Variants in KANSL1 observed in about 807,000 individuals in gnomAD.
KANSL1 encodes the protein KAT8 regulatory NSL complex subunit 1, also known as MLL1/MLL complex subunit KANSL1.
Under a neutral mutation model 103.6 loss-of-function variants are expected in KANSL1, and 22 were observed. The observed-to-expected ratio is 0.21, with a 90% CI of 0.15 to 0.30. The LOEUF is 0.30. KANSL1 is among the 10% of genes least tolerant of loss of function. The pLI is 1.00. For missense variants in KANSL1, 1,337 were observed against 1,399.8 expected (o/e 0.96, Z 0.72); for synonymous variants, 600 against 527.6 (o/e 1.14, Z -1.88).
At chr17:46,143,418 C>T (rs112741535) in intron 2 of KANSL1, among the ~76,000 whole-genome samples, 5 of 152,222 alleles carry the variant, frequency 3.3e-5, no homozygotes, top group East Asian at 3.9e-4. Flanking sequence ...CGCTTGAACC[C>T]GCGAGACAGA....
At chr17:46,163,689 C>G (rs1285191572) in intron 2 of KANSL1, among the ~76,000 whole-genome samples, 1 of 152,230 alleles carries the variant, frequency 6.6e-6, no homozygotes, top group Admixed American at 6.5e-5. Flanking sequence ...GTCAGCCAGG[C>G]TTAAAACTTC....
At chr17:46,213,588 G>A (rs1000230050) in intron 1 of KANSL1, among the ~76,000 whole-genome samples, 4 of 150,814 alleles carry the variant, frequency 2.7e-5, no homozygotes, top group South Asian at 2.1e-4. Flanking sequence ...GATTACAGGC[G>A]TGAGCCACCG....
At chr17:46,212,949 C>T (rs2048209140) in intron 1 of KANSL1, among the ~76,000 whole-genome samples, 2 of 152,366 alleles carry the variant, frequency 1.3e-5, no homozygotes, top group South Asian at 4.1e-4. Context: ...TCATATGCTT[C>T]TTGGTCATTT....
chr17:46,038,626 G>A lies in KANSL1; in HGVS notation c.2453C>T (p.Pro818Leu). Residue 818 changes from proline to leucine, a missense_variant, in exon 10 of 15, where the codon CCA becomes CTA. Transcript: ENST00000432791. Reference sequence around the variant, plus strand: ...GAGCTGTCGCACCAAGGGACTGTGTGGAGGATGGTGGGTGGCTGCCAAGTA... The same window carrying A: ...GAGCTGTCGCACCAAGGGACTGTGTAGAGGATGGTGGGTGGCTGCCAAGTA... ...SSYLAATHHPPHSPLVRQLST... is the reference protein window; with the variant it reads ...SSYLAATHHPLHSPLVRQLST... The A allele has an allele frequency of 6.2e-7, 1 of 1,614,096 alleles. No homozygotes were observed. Among genetic ancestry groups the A allele is most frequent in the Non-Finnish European group, 8.5e-7 (1 of 1,180,024 alleles).
intron 6 of KANSL1, among the ~76,000 whole-genome samples, chr17:46,053,967 CA>C (rs1174705271): frequency 2.0e-5 from 3 of 152,070 alleles, no homozygotes; most frequent in Non-Finnish European, 4.4e-5. Context: ...AATAAGAAAA[CA>C]AATTTTTAAA....
intron 1 of KANSL1, among the ~76,000 whole-genome samples, chr17:46,190,097 A>G (rs2047240159): frequency 6.6e-6 from 1 of 152,194 alleles, no homozygotes; most frequent in African/African-American, 2.4e-5. Context: ...TTCACTTTAA[A>G]ATGCAATTAA....
At chr17:46,126,882 A>G (rs1015303396) in intron 2 of KANSL1, among the ~76,000 whole-genome samples, 1 of 152,234 alleles carries the variant, frequency 6.6e-6, no homozygotes, top group Non-Finnish European at 1.5e-5. Context: ...TTTGCCCGCC[A>G]ATAAGGAATC....
intron 3 of KANSL1, 148 bp from the exon 4 acceptor site, chr17:46,082,690 G>T: frequency 2.1e-6 from 1 of 466,032 alleles, no homozygotes; most frequent in South Asian, 4.1e-5. Flanking sequence ...AGCAGCAGCA[G>T]CTTTGTTTTC....
At chr17:46,122,050 C>T (rs186251997) in intron 2 of KANSL1, among the ~76,000 whole-genome samples, 10 of 152,080 alleles carry the variant, frequency 6.6e-5, no homozygotes, top group African/African-American at 1.5e-4. Flanking sequence ...AGTTTTCACA[C>T]GATAATAAAG....
rs374982900 is a variant in KANSL1 at position 46,106,983 on chromosome 17, T to C, written c.1290-12282A>G. On this transcript the variant is annotated intron_variant, in intron 2 of 14. Coordinates refer to ENST00000432791, the MANE Select transcript of KANSL1 (RefSeq NM_015443.4). Reference sequence around the variant, plus strand: ...GCAATCAAAGGAAAACTCTGAAAGATAGAAAAGGGAAGGCAAACTAGTTAA... The same window carrying C: ...GCAATCAAAGGAAAACTCTGAAAGACAGAAAAGGGAAGGCAAACTAGTTAA... 3.3e-5 allele frequency among the ~76,000 whole-genome samples: 5 copies of C among 152,228 alleles called. No homozygotes were observed. In the East Asian group the frequency reaches 7.7e-4, roughly 24 times the overall value.
chr17:46,192,065 C>T (rs1689900219), intron 1 of KANSL1, among the ~76,000 whole-genome samples: 1 of 152,194 alleles, frequency 6.6e-6, no homozygotes, highest in African/African-American at 2.4e-5. Flanking sequence ...CATGTCACCC[C>T]TTCTCCCCTA....
chr17:46,109,600 G>A (rs1394172912), intron 2 of KANSL1, among the ~76,000 whole-genome samples: 1 of 152,094 alleles, frequency 6.6e-6, no homozygotes, highest in Non-Finnish European at 1.5e-5. Flanking sequence ...CTAGTTTTCA[G>A]TTAAAGAATG....
At chr17:46,101,854 G>A (rs1317272285) in intron 2 of KANSL1, among the ~76,000 whole-genome samples, 3 of 149,848 alleles carry the variant, frequency 2.0e-5, no homozygotes, top group Non-Finnish European at 3.0e-5. Context: ...AAGAAAAACA[G>A]AATAAGATTA....
intron 1 of KANSL1, among the ~76,000 whole-genome samples, chr17:46,177,752 C>T (rs1425801581): frequency 6.6e-6 from 1 of 151,390 alleles, no homozygotes; most frequent in Non-Finnish European, 1.5e-5. Flanking sequence ...GAGCCAATAA[C>T]TAAGTAAAAC....
chr17:46,081,446 T>C (rs1363097803), intron 4 of KANSL1, among the ~76,000 whole-genome samples: 4 of 152,228 alleles, frequency 2.6e-5, no homozygotes, highest in African/African-American at 9.6e-5. Context: ...GTGGCAAAAC[T>C]TGGCATTCTG....
At chr17:46,191,806 A>T (rs2047339661) in intron 1 of KANSL1, among the ~76,000 whole-genome samples, 1 of 152,224 alleles carries the variant, frequency 6.6e-6, no homozygotes, top group African/African-American at 2.4e-5. Context: ...AGATGGCAAC[A>T]CCAGGATTGT....
intron 3 of KANSL1, among the ~76,000 whole-genome samples, chr17:46,086,796 C>T (rs1368097190): frequency 1.3e-5 from 2 of 151,948 alleles, no homozygotes; most frequent in Non-Finnish European, 2.9e-5. Flanking sequence ...TCCACAAAAA[C>T]AATAATAATA....
At chr17:46,037,885 G>A (rs1242893513) in intron 10 of KANSL1, 6 of 152,248 alleles carry the variant, frequency 3.9e-5, no homozygotes, top group Non-Finnish European at 7.3e-5. Context: ...TAAAGGAAAT[G>A]TGTCTGGAAT....
At chr17:46,156,747 G>A (rs1471275909) in intron 2 of KANSL1, 1 of 152,518 alleles carries the variant, frequency 6.6e-6, no homozygotes, top group Non-Finnish European at 1.5e-5. Flanking sequence ...GAAAGTGGAG[G>A]GGAAGGCTGG....
Sources: allele counts gnomAD v4.1 joint callset (sites outside exome capture counted in the v4.1 genomes callset), GRCh38; gene constraint gnomAD v4.1.1; transcripts MANE v1.5; gene names NCBI Gene and HGNC (gene_info 2026-07-23, HGNC 2026-07-21).